MPP4: variants seen among roughly 807,000 people sequenced by gnomAD.
The protein encoded by MPP4 is MAGUK p55 subfamily member 4.
A neutral mutation model predicts 98.3 loss-of-function variants in MPP4; 91 were observed. That is an observed-to-expected ratio of 0.93 (90% CI 0.78 to 1.10). The LOEUF (loss-of-function observed/expected upper bound fraction) is 1.10. Ranked by LOEUF, MPP4 falls within the 50% of genes least tolerant of loss-of-function variation. The pLI is 0.00. For missense variants in MPP4, 744 were observed against 792.9 expected (o/e 0.94, Z 0.74); for synonymous variants, 261 against 271.8 (o/e 0.96, Z 0.39).
Position 201,652,597 on chromosome 2 carries a change from T to C in MPP4, c.1381+2240A>G, listed in dbSNP as rs570381420. 2.6e-5 allele frequency among the ~76,000 whole-genome samples: 4 copies of C among 152,380 alleles called. No homozygotes were observed. In the South Asian group the frequency reaches 8.3e-4, roughly 32 times the overall value. On this transcript the variant is annotated intron_variant, in intron 18 of 21. Transcript: ENST00000409474. ...TCTCAACTGACTAATTAAAATTCCA[T>C]TCTCACATAATCATCAAAATTATAA... is the stretch of plus-strand genomic sequence containing the variant.
chr2:201,645,209 C>G lies in MPP4; in HGVS notation c.*1G>C. On this transcript the variant is annotated 3_prime_UTR_variant, in exon 22 of 22. Transcript: ENST00000409474. The stretch of plus-strand genomic sequence containing the variant: ...AAAACTCCAGCATTAAACAAGAAGT[C>G]TCATTGAGACTCAGTATCTGAGGAA... The G allele has an allele frequency of 1.9e-6, 3 of 1,607,928 alleles. No homozygotes were observed. The highest frequency in any genetic ancestry group is 2.5e-6 in the Non-Finnish European group (3 of 1,177,334).
Position 201,680,946 on chromosome 2 carries a change from T to C in MPP4, c.821A>G (p.Asp274Gly), listed in dbSNP as rs1422449461. 3 of 1,613,678 alleles carry C rather than the reference T, an allele frequency of 1.9e-6. No individual in the cohort carries two copies. Among genetic ancestry groups the C allele is most frequent in the Non-Finnish European group, 1.7e-6 (2 of 1,179,858 alleles). ...MDAGLPFQKG[D>G]ILQIVDQNDA... ...ATTCTGGTCCACAATCTGGAGGATG[T>C]CCCCCTTCTGGAAAGGCAATCCAGC... The change falls in exon 10 of 22, where the codon GAC becomes GGC. Residue 274 changes from aspartate (D) to glycine (G), a missense_variant. Coordinates refer to ENST00000409474, the MANE Select transcript of MPP4 (RefSeq NM_033066.3).
rs1273826098 is a variant in MPP4 at position 201,698,545 on chromosome 2, A to C, written c.-101+42T>G. The stretch of plus-strand genomic sequence containing the variant: ...ACAGGCAAGCTAGGCAGTTATGGAT[A>C]CATCTTCTGGTAACTGAGGATTATT... On this transcript the variant is annotated intron_variant, in intron 1 of 21. Transcript: ENST00000409474. 3 of 1,296,484 alleles carry C rather than the reference A, an allele frequency of 2.3e-6. No homozygotes were observed. In the African/African-American group the frequency reaches 4.6e-5, roughly 20 times the overall value. 80.3% of individuals were successfully genotyped at this position (1,296,484 alleles called of 1,614,324 possible).
At chr2:201,693,114 G>A (rs1446284372) in intron 2 of MPP4, 85 bp from the exon 3 acceptor site, 1 of 1,468,366 alleles carries the variant, frequency 6.8e-7, no homozygotes, top group Non-Finnish European at 9.2e-7. Context: ...CATGCCATGG[G>A]GTCTCACCAG....
intron 18 of MPP4, among the ~76,000 whole-genome samples, chr2:201,652,998 A>G (rs1687758039): frequency 6.6e-6 from 1 of 152,194 alleles, no homozygotes; most frequent in African/African-American, 2.4e-5. Context: ...AGGCCTCTCA[A>G]GTCCATTCCT....
intron 3 of MPP4, among the ~76,000 whole-genome samples, chr2:201,692,543 CAAAAA>C (rs10618429): frequency 3.9e-5 from 5 of 129,812 alleles, no homozygotes; most frequent in South Asian, 2.6e-4. Context: ...GACTCTGTCT[CAAAAA>C]AAAAAAAAAA....
In MPP4 at chr2:201,670,236, A is replaced by G. The variant is rs368178775; in HGVS notation, c.995-486T>C. ...AACATCAATAACATTTCATTAATAAAATTGCCCTATATCTTTGGACTCAGT... is the reference window on the plus strand; with the variant it reads ...AACATCAATAACATTTCATTAATAAGATTGCCCTATATCTTTGGACTCAGT... On this transcript the variant is annotated intron_variant, in intron 11 of 21. Transcript: ENST00000409474. Among the ~76,000 whole-genome samples, 10 of 152,320 alleles carry G rather than the reference A, an allele frequency of 6.6e-5. No homozygotes were observed. In the East Asian group the frequency reaches 1.3e-3, roughly 21 times the overall value.
intron 18 of MPP4, chr2:201,650,821 G>C (rs1416089090): frequency 2.0e-6 from 2 of 985,252 alleles, no homozygotes; most frequent in Non-Finnish European, 2.4e-6. Context: ...ATCTCTAGGA[G>C]GGAAAGATTA....
chr2:201,697,119 T>C (rs903762580), intron 1 of MPP4, among the ~76,000 whole-genome samples: 1 of 152,198 alleles, frequency 6.6e-6, no homozygotes, highest in Non-Finnish European at 1.5e-5. Flanking sequence ...CCCTGCCAGA[T>C]GATGGCACAG....
chr2:201,679,018 C>T lies in MPP4; in HGVS notation c.929+1820G>A, dbSNP rs375220131. On this transcript the variant is annotated intron_variant, in intron 10 of 21. Coordinates refer to ENST00000409474, the MANE Select transcript of MPP4 (RefSeq NM_033066.3). Reference sequence around the variant, plus strand: ...CCCATTGTCATACCCAAGACCTCATCAGTACTGACAACAGCAATCTCTCCT... The same window carrying T: ...CCCATTGTCATACCCAAGACCTCATTAGTACTGACAACAGCAATCTCTCCT... Among the ~76,000 whole-genome samples the T allele has an allele frequency of 5.9e-5, 9 of 152,290 alleles. No individual in the cohort carries two copies. In the East Asian group the frequency reaches 1.2e-3, roughly 20 times the overall value.
rs1688703168 is a variant in MPP4 at position 201,682,830 on chromosome 2, C to G, written c.660+1G>C. The G allele has an allele frequency of 2.5e-6, 4 of 1,613,544 alleles. No homozygotes were observed. Among genetic ancestry groups the G allele is most frequent in the Non-Finnish European group, 3.4e-6 (4 of 1,179,582 alleles). ...AACAAAAAGGCAAAAAGAAGATTTA[C>G]CAGAATATGGATCACTTGTTCAGGG... On this transcript the variant is annotated splice_donor_variant, in intron 8 of 21. Coordinates refer to ENST00000409474, the MANE Select transcript of MPP4 (RefSeq NM_033066.3). LOFTEE classifies it high-confidence loss of function.
intron 1 of MPP4, chr2:201,697,968 T>G: frequency 1.0e-6 from 1 of 985,474 alleles, no homozygotes; most frequent in South Asian, 4.7e-5. Context: ...ATTTGTCAGT[T>G]GAAGCTTATC....
chr2:201,670,079 A>C (rs370093037), intron 11 of MPP4, among the ~76,000 whole-genome samples: 18 of 152,290 alleles, frequency 1.2e-4, no homozygotes, highest in African/African-American at 4.3e-4. Context: ...TATTTTAGGA[A>C]CCCAAATTTT....
intron 21 of MPP4, among the ~76,000 whole-genome samples, chr2:201,645,682 C>T (rs929510382): frequency 2.0e-5 from 3 of 151,412 alleles, no homozygotes; most frequent in Admixed American, 1.3e-4. Flanking sequence ...AGACAGGGTC[C>T]CACTCTGTCC....
At chr2:201,679,188 C>G (rs563174888) in intron 10 of MPP4, among the ~76,000 whole-genome samples, 1 of 152,248 alleles carries the variant, frequency 6.6e-6, no homozygotes, top group South Asian at 2.1e-4. Context: ...CCTCATCTCC[C>G]TCCTAAACAG....
chr2:201,649,279 C>T (rs949230419), intron 20 of MPP4, among the ~76,000 whole-genome samples: 2 of 152,158 alleles, frequency 1.3e-5, no homozygotes, highest in East Asian at 1.9e-4. Flanking sequence ...CTTATTCACT[C>T]CACAAGAAGT....
At chr2:201,669,784 TA>T in intron 11 of MPP4, 34 bp from the exon 12 acceptor site, 2 of 1,365,508 alleles carry the variant, frequency 1.5e-6, no homozygotes, top group Admixed American at 2.8e-5. Flanking sequence ...GCAGGGGGGA[TA>T]AAAAGAACAC....
intron 10 of MPP4, among the ~76,000 whole-genome samples, chr2:201,677,872 C>A (rs1255308388): frequency 2.6e-5 from 4 of 152,184 alleles, no homozygotes; most frequent in African/African-American, 9.7e-5. Flanking sequence ...ATACTGACTT[C>A]TCAAAAGCCA....
At chr2:201,694,934 A>G (rs1689138667) in intron 1 of MPP4, among the ~76,000 whole-genome samples, 1 of 152,062 alleles carries the variant, frequency 6.6e-6, no homozygotes, top group Non-Finnish European at 1.5e-5. Context: ...TCTTAACCCT[A>G]TCAGATTTAA....
Sources: gnomAD v4.1 joint callset for allele counts (sites outside exome capture counted in the v4.1 genomes callset) on GRCh38, gnomAD v4.1.1 for gene constraint, MANE v1.5 for transcripts, NCBI Gene and HGNC (gene_info 2026-07-23, HGNC 2026-07-21) for gene names.